Variants in KPNA4 observed in about 807,000 individuals in gnomAD.
The protein encoded by KPNA4 is importin subunit alpha-3.
KPNA4 carries 13 observed loss-of-function variants against 71.3 expected under a neutral mutation model. The ratio of observed to expected loss-of-function variants is 0.18; its 90% CI spans 0.12 to 0.29. KPNA4 has a LOEUF of 0.29. Ranked by LOEUF, KPNA4 falls within the 10% of genes least tolerant of loss-of-function variation. The pLI is 1.00. For synonymous variants in KPNA4, 189 were observed against 195.2 expected (o/e 0.97, Z 0.26); for missense variants, 334 against 603.2 (o/e 0.55, Z 4.67).
At chr3:160,534,925 T>C (rs1220088246) in intron 5 of KPNA4, among the ~76,000 whole-genome samples, 2 of 151,818 alleles carry the variant, frequency 1.3e-5, no homozygotes, top group Non-Finnish European at 2.9e-5. Flanking sequence ...GGTTTCAGTA[T>C]GTTGGCCAGG....
At chr3:160,557,112 C>T (rs1463356410) in intron 1 of KPNA4, among the ~76,000 whole-genome samples, 2 of 152,156 alleles carry the variant, frequency 1.3e-5, no homozygotes, top group Non-Finnish European at 2.9e-5. Context: ...TTCACACCTA[C>T]TAAAGAACAA....
intron 16 of KPNA4, among the ~76,000 whole-genome samples, chr3:160,504,316 T>A (rs527880191): frequency 1.3e-5 from 2 of 152,312 alleles, no homozygotes; most frequent in East Asian, 3.9e-4. Flanking sequence ...TTTGAAAAGC[T>A]GAGAAATCAT....
Position 160,536,844 on chromosome 3 carries a change from C to T in KPNA4, c.70-4G>A, listed in dbSNP as rs1560051945. ...CATTTCGTTGTCTTCTCATAGTCTACAAAAAAATTAAAGGAAAATATTTTT... is the reference window on the plus strand; with the variant it reads ...CATTTCGTTGTCTTCTCATAGTCTATAAAAAAATTAAAGGAAAATATTTTT... On this transcript the variant is annotated splice_polypyrimidine_tract_variant and splice_region_variant and intron_variant, in intron 1 of 16. Transcript: ENST00000334256. The T allele has an allele frequency of 1.9e-6, 3 of 1,548,778 alleles. No homozygotes were observed. In the South Asian group the frequency reaches 3.4e-5, roughly 18 times the overall value.
rs189908204 is a variant in KPNA4 at position 160,565,453 on chromosome 3, C to T, written c.-171G>A. On this transcript the variant is annotated 5_prime_UTR_variant, in exon 1 of 17. Transcript: ENST00000334256. ...CCGCCGCGGCCTTCTCCTCTCCCCG[C>T]CCGCCCCCCCGCCCTAACCCCAGCG... The T allele has an allele frequency of 1.0e-3, 581 of 581,910 alleles. 3 individuals carry two copies. Among genetic ancestry groups the T allele is most frequent in the Non-Finnish European group, 1.5e-3 (501 of 332,068 alleles). The allele number at this position is 581,910 out of a possible 1,614,324, so 36.0% of individuals were successfully genotyped here.
intron 1 of KPNA4, among the ~76,000 whole-genome samples, chr3:160,539,559 T>C (rs940792798): frequency 1.3e-5 from 2 of 152,332 alleles, no homozygotes; most frequent in Admixed American, 6.5e-5. Flanking sequence ...AGAGTTCAAG[T>C]GAATTGGAGA....
intron 1 of KPNA4, among the ~76,000 whole-genome samples, chr3:160,555,709 T>C (rs957421576): frequency 3.9e-5 from 6 of 152,186 alleles, no homozygotes; most frequent in African/African-American, 1.4e-4. Context: ...GGGTGAACTA[T>C]TATACTTCAT....
chr3:160,513,405 G>A (rs1721142153), intron 13 of KPNA4, among the ~76,000 whole-genome samples: 1 of 151,584 alleles, frequency 6.6e-6, no homozygotes, highest in Non-Finnish European at 1.5e-5. Context: ...ACAGGCGCAT[G>A]CTACCACACC....
At chr3:160,518,870 A>G (rs73023857) in intron 11 of KPNA4, among the ~76,000 whole-genome samples, 1 of 151,998 alleles carries the variant, frequency 6.6e-6, no homozygotes, top group Non-Finnish European at 1.5e-5. Context: ...CACACACACA[A>G]AAAAAGTAAA....
At chr3:160,562,705 G>GAAGTGAA (rs1241257740) in intron 1 of KPNA4, among the ~76,000 whole-genome samples, 7 of 152,288 alleles carry the variant, frequency 4.6e-5, no homozygotes, top group Non-Finnish European at 7.4e-5. Flanking sequence ...TCCTTAGGTG[G>GAAGTGAA]AAGTGAAAAT....
Position 160,502,167 on chromosome 3 carries a change from A to T in KPNA4, c.1503T>A (p.Ile501=). ...AATTGAAACCAAATGTTCCGCCTTG[A>T]ATTGCCTCTGGAACAAGGCTAGGGT... ...DEDPSLVPEA[I]QGGTFGFNSS... The change falls in exon 17 of 17, where the codon ATT becomes ATA. Residue 501 remains isoleucine (I), a synonymous_variant. Transcript: ENST00000334256. 6.3e-7 allele frequency: 1 copy of T among 1,599,100 alleles called. No homozygotes were observed. The highest frequency in any genetic ancestry group is 8.5e-7 in the Non-Finnish European group (1 of 1,170,200).
At chr3:160,538,178 C>T (rs1203983581) in intron 1 of KPNA4, among the ~76,000 whole-genome samples, 3 of 149,350 alleles carry the variant, frequency 2.0e-5, no homozygotes, top group Non-Finnish European at 4.4e-5. Context: ...TATATATGTA[C>T]ATATATATAC....
intron 11 of KPNA4, among the ~76,000 whole-genome samples, chr3:160,519,788 C>T (rs1721307118): frequency 1.9e-5 from 2 of 106,324 alleles, no homozygotes; most frequent in African/African-American, 3.8e-5. Context: ...GGCGACAGAG[C>T]GAGACTCCGT....
At chr3:160,533,673 G>A (rs1721616791) in intron 5 of KPNA4, among the ~76,000 whole-genome samples, 1 of 151,892 alleles carries the variant, frequency 6.6e-6, no homozygotes, top group Non-Finnish European at 1.5e-5. Flanking sequence ...TTTGCATTAA[G>A]GAGCCCGCAA....
At chr3:160,531,432 TAAA>T in intron 6 of KPNA4, 27 bp downstream of exon 6, 12 of 965,230 alleles carry the variant, frequency 1.2e-5, no homozygotes, top group South Asian at 6.2e-5. Flanking sequence ...CATTCTAAAT[TAAA>T]AAAAAAAAAA....
At chr3:160,547,094 A>G (rs1021967334) in intron 1 of KPNA4, among the ~76,000 whole-genome samples, 1 of 152,192 alleles carries the variant, frequency 6.6e-6, no homozygotes, top group African/African-American at 2.4e-5. Flanking sequence ...TCCCAAATTA[A>G]CCAATTCTAT....
intron 7 of KPNA4, among the ~76,000 whole-genome samples, chr3:160,530,136 A>AG (rs1403400696): frequency 9.5e-4 from 121 of 127,856 alleles, no homozygotes; most frequent in African/African-American, 4.4e-3. Context: ...CTCCATCTCA[A>AG]AAAAAAAAAA....
chr3:160,560,215 T>A (rs1722215505), intron 1 of KPNA4, among the ~76,000 whole-genome samples: 1 of 152,146 alleles, frequency 6.6e-6, no homozygotes, highest in Admixed American at 6.5e-5. Flanking sequence ...GAACAGACTC[T>A]GACACACCTG....
At chr3:160,511,196 C>T (rs1237185884) in intron 13 of KPNA4, among the ~76,000 whole-genome samples, 1 of 152,104 alleles carries the variant, frequency 6.6e-6, no homozygotes, top group Non-Finnish European at 1.5e-5. Context: ...AGCTCTGCCT[C>T]CTGGGTTCAC....
chr3:160,547,853 T>C (rs1560054735), intron 1 of KPNA4, among the ~76,000 whole-genome samples: 1 of 152,214 alleles, frequency 6.6e-6, no homozygotes, highest in Admixed American at 6.5e-5. Flanking sequence ...TTTAGCAATA[T>C]GCATTTAAGA....
Sources: allele counts gnomAD v4.1 joint callset (sites outside exome capture counted in the v4.1 genomes callset), GRCh38; gene constraint gnomAD v4.1.1; transcripts MANE v1.5; gene names NCBI Gene and HGNC (gene_info 2026-07-23, HGNC 2026-07-21).